PDE10A: variants seen among roughly 807,000 people sequenced by gnomAD.
PDE10A encodes the protein phosphodiesterase 10A, also known as cAMP and cAMP-inhibited cGMP 3',5'-cyclic phosphodiesterase 10A.
In PDE10A, 39 loss-of-function variants were observed where a neutral mutation model predicts 97.7. The observed-to-expected ratio is 0.40, with a 90% confidence interval of 0.31 to 0.52. The LOEUF (loss-of-function observed/expected upper bound fraction) is 0.52, where lower values mean the gene tolerates loss of function less well. Ranked by LOEUF, PDE10A falls within the 20% of genes least tolerant of loss-of-function variation. PDE10A has a pLI of 0.56. For missense variants in PDE10A, 731 were observed against 1,047.8 expected, an observed-to-expected ratio of 0.70 and a Z score of 4.17; for synonymous variants, 371 against 376.8, an observed-to-expected ratio of 0.98 and a Z score of 0.18.
intron 1 of PDE10A, among the ~76,000 whole-genome samples, chr6:165,960,673 C>T (rs946701720): frequency 1.2e-4 from 19 of 152,132 alleles, no homozygotes; most frequent in African/African-American, 3.1e-4. Flanking sequence ...CGGCAAGGGA[C>T]GTGAGTTAGT....
chr6:165,668,176 CTTT>C (rs1790543356), upstream of PDE10A, among the ~76,000 whole-genome samples: 1 of 152,188 alleles, frequency 6.6e-6, no homozygotes, highest in African/African-American at 2.4e-5. Flanking sequence ...GAAAATACTT[CTTT>C]AAGAGAACTA....
chr6:165,763,447 C>G (rs545571578), intron 1 of PDE10A, among the ~76,000 whole-genome samples: 1 of 152,124 alleles, frequency 6.6e-6, no homozygotes. Context: ...CTCAGCCCCC[C>G]CAGTAGCCGG....
chr6:165,864,938 G>A (rs1273772262), intron 1 of PDE10A, among the ~76,000 whole-genome samples: 1 of 152,228 alleles, frequency 6.6e-6, no homozygotes, highest in Non-Finnish European at 1.5e-5. Context: ...TGAAGATTAT[G>A]TAGGAGCTAT....
intron 2 of PDE10A, among the ~76,000 whole-genome samples, chr6:165,528,166 T>C (rs1000960269): frequency 6.6e-6 from 1 of 152,286 alleles, no homozygotes; most frequent in Middle Eastern, 3.4e-3. Flanking sequence ...ACAAAGCAAT[T>C]TGGGGAAGAG....
intron 1 of PDE10A, among the ~76,000 whole-genome samples, chr6:165,849,831 A>T (rs1411685354): frequency 6.6e-6 from 1 of 151,166 alleles, no homozygotes; most frequent in Admixed American, 6.6e-5. Flanking sequence ...GGAAAAAAAA[A>T]TTGGCTGGTT....
At chr6:165,974,592 T>G (rs918999814) in intron 1 of PDE10A, among the ~76,000 whole-genome samples, 4 of 152,230 alleles carry the variant, frequency 2.6e-5, no homozygotes, top group African/African-American at 9.6e-5. Flanking sequence ...TCAATTTTGC[T>G]GAATGATAAA....
Position 165,675,670 on chromosome 6 carries a change from C to T in PDE10A, c.-614-132102G>A, listed in dbSNP as rs188772832. ...TGTTGCTGAGGGATTTTGGGGTGAC[C>T]TCAATGCCAAGCCTCATGCCATACT... On this transcript the variant is annotated intron_variant, in intron 1 of 19. Transcript: ENST00000366882. 1.6e-3 allele frequency among the ~76,000 whole-genome samples: 248 copies of T among 152,210 alleles called. 4 individuals carry two copies. Among genetic ancestry groups the T allele is most frequent in the Admixed American group, 0.014 (219 of 15,298 alleles).
At chr6:165,520,212 A>G (rs569028780) in intron 2 of PDE10A, among the ~76,000 whole-genome samples, 12 of 152,298 alleles carry the variant, frequency 7.9e-5, no homozygotes, top group Middle Eastern at 3.4e-3. Flanking sequence ...TTCTCATGGG[A>G]AAGGAAGAAT....
At chr6:165,625,048 T>G (rs59148743) in intron 1 of PDE10A, among the ~76,000 whole-genome samples, 1 of 151,962 alleles carries the variant, frequency 6.6e-6, no homozygotes, top group African/African-American at 2.4e-5. Flanking sequence ...TCAAAGTGCA[T>G]GGAGAACAAT....
chr6:165,802,760 C>T (rs1779016630), intron 1 of PDE10A, among the ~76,000 whole-genome samples: 1 of 152,072 alleles, frequency 6.6e-6, no homozygotes, highest in South Asian at 2.1e-4. Flanking sequence ...AAGCATGGTT[C>T]GATATGTTGT....
chr6:165,970,628 AAC>A (rs1419415850), intron 1 of PDE10A, among the ~76,000 whole-genome samples: 1 of 152,212 alleles, frequency 6.6e-6, no homozygotes, highest in African/African-American at 2.4e-5. Flanking sequence ...GCTAAAAATA[AAC>A]TTAGAGGAAA....
At chr6:165,359,537 T>C (rs1209995984) in intron 18 of PDE10A, among the ~76,000 whole-genome samples, 5 of 152,158 alleles carry the variant, frequency 3.3e-5, no homozygotes, top group African/African-American at 1.2e-4. Flanking sequence ...ATTTTATAAT[T>C]TTCACTTCTC....
chr6:165,723,085 C>T (rs1792206510), intron 1 of PDE10A, among the ~76,000 whole-genome samples: 1 of 152,120 alleles, frequency 6.6e-6, no homozygotes, highest in Non-Finnish European at 1.5e-5. Flanking sequence ...AATGCCTATG[C>T]CTCGCTTGCT....
chr6:165,601,667 A>T (rs549132721), intron 1 of PDE10A, among the ~76,000 whole-genome samples: 3 of 152,322 alleles, frequency 2.0e-5, no homozygotes, highest in East Asian at 3.9e-4. Flanking sequence ...GTAACTACTT[A>T]GTGTTTCTCG....
At chr6:165,732,576 G>A (rs1429179749) in intron 1 of PDE10A, among the ~76,000 whole-genome samples, 1 of 152,174 alleles carries the variant, frequency 6.6e-6, no homozygotes, top group Non-Finnish European at 1.5e-5. Flanking sequence ...CCACCCTATT[G>A]AGTGAGCAGG....
rs1014598452 is a variant in PDE10A at position 165,418,244 on chromosome 6, G to A, written c.1796+391C>T. 2.6e-5 allele frequency among the ~76,000 whole-genome samples: 4 copies of A among 152,178 alleles called. No individual in the cohort carries two copies. Among genetic ancestry groups the A allele is most frequent in the South Asian group, 2.1e-4 (1 of 4,824 alleles). On this transcript the variant is annotated intron_variant, in intron 11 of 21. Coordinates refer to ENST00000539869, the MANE Select transcript of PDE10A (RefSeq NM_001385079.1). This position sits in a 1 kb window ranked among gnomAD's most constrained non-coding sequence, Gnocchi z 4.8. ...CAATTTCTACTACTGTCTGGACTGC[G>A]AGACAGGCCACCGGTTGGGAAGAAG... is the stretch of plus-strand genomic sequence containing the variant.
intron 1 of PDE10A, among the ~76,000 whole-genome samples, chr6:165,695,012 A>G (rs1791406976): frequency 6.6e-6 from 1 of 152,218 alleles, no homozygotes; most frequent in African/African-American, 2.4e-5. Flanking sequence ...GGAAAATTAC[A>G]TTTATTTTAT....
intron 1 of PDE10A, among the ~76,000 whole-genome samples, chr6:165,630,925 G>T (rs1003061581): frequency 6.6e-6 from 1 of 152,142 alleles, no homozygotes; most frequent in African/African-American, 2.4e-5. Flanking sequence ...TGGAATGCTC[G>T]CTTGCTCTAA....
At chr6:165,629,504 G>T (rs1009918590) in intron 1 of PDE10A, among the ~76,000 whole-genome samples, 2 of 149,818 alleles carry the variant, frequency 1.3e-5, no homozygotes, top group African/African-American at 4.9e-5. Flanking sequence ...AGTAGAGAAT[G>T]AAGGAATATT....
Sources: allele counts gnomAD v4.1 joint callset (sites outside exome capture counted in the v4.1 genomes callset), GRCh38; gene constraint gnomAD v4.1.1; non-coding constraint Gnocchi (gnomAD v3.1); transcripts MANE v1.5; gene names NCBI Gene and HGNC (gene_info 2026-07-23, HGNC 2026-07-21).